Variants in COLGALT1 observed in about 807,000 individuals in gnomAD.
COLGALT1 encodes procollagen galactosyltransferase 1.
A neutral mutation model predicts 60.8 loss-of-function variants in COLGALT1; 43 were observed. The ratio of observed to expected loss-of-function variants is 0.71; its 90% CI spans 0.55 to 0.91. COLGALT1 has a LOEUF of 0.91. COLGALT1 is among the 40% of genes least tolerant of loss of function. COLGALT1 has a pLI of 0.00. For synonymous variants in COLGALT1, 369 were observed against 374.2 expected (o/e 0.99, Z 0.16); for missense variants, 845 against 880.0 (o/e 0.96, Z 0.50).
In COLGALT1 at chr19:17,556,275, C is replaced by A. The variant is rs571206048; in HGVS notation, c.260+302C>A. Among the ~76,000 whole-genome samples, 22 of 152,330 alleles carry A rather than the reference C, an allele frequency of 1.4e-4. No homozygotes were observed. The East Asian group carries it at 3.3e-3, about 23-fold the overall frequency. ...CTCCTTTGGGGTGGGCTGGGCACCG[C>A]TTCTGCCTGCTGGACCCTACTAGGG... On this transcript the variant is annotated intron_variant, in intron 1 of 11. Transcript: ENST00000252599.
intron 9 of COLGALT1, 35 bp from the exon 10 acceptor site, chr19:17,579,447 G>A: frequency 4.3e-6 from 7 of 1,613,924 alleles, no homozygotes; most frequent in Non-Finnish European, 5.9e-6. Flanking sequence ...CCTGGCCTTG[G>A]CCTCCCTGTG....
intron 11 of COLGALT1, 49 bp from the exon 12 acceptor site, chr19:17,581,128 C>G (rs199522734): frequency 6.3e-7 from 1 of 1,585,436 alleles, no homozygotes; most frequent in Non-Finnish European, 8.6e-7. Flanking sequence ...CCAGCTGTCC[C>G]GTCCCCTGAA....
intron 3 of COLGALT1, 119 bp from the exon 4 acceptor site, chr19:17,567,287 G>A (rs571740363): frequency 1.2e-5 from 16 of 1,359,968 alleles, no homozygotes; most frequent in Non-Finnish European, 1.6e-5. Context: ...TTCATCCGGT[G>A]TAGGGGGTGC....
At chr19:17,567,058 C>T (rs2076283329) in intron 3 of COLGALT1, among the ~76,000 whole-genome samples, 2 of 151,910 alleles carry the variant, frequency 1.3e-5, no homozygotes, top group East Asian at 3.9e-4. Flanking sequence ...GAGGTTGCAG[C>T]GAGCTGAGAC....
intron 6 of COLGALT1, 196 bp from the exon 7 acceptor site, chr19:17,576,999 G>T: frequency 3.3e-6 from 2 of 604,278 alleles, no homozygotes; most frequent in East Asian, 2.8e-5. Flanking sequence ...GGTGTGGCCA[G>T]GGCTTTGGGC....
intron 9 of COLGALT1, among the ~76,000 whole-genome samples, chr19:17,579,176 A>G (rs1387672070): frequency 6.6e-6 from 1 of 152,048 alleles, no homozygotes; most frequent in Non-Finnish European, 1.5e-5. Flanking sequence ...TCAAAAAAAA[A>G]AAAAAAGAAA....
At chr19:17,574,622 G>A (rs1042979861) in intron 6 of COLGALT1, among the ~76,000 whole-genome samples, 1 of 152,214 alleles carries the variant, frequency 6.6e-6, no homozygotes, top group Middle Eastern at 3.4e-3. Flanking sequence ...GTGTCACTGC[G>A]CCTGGCCTGG....
intron 6 of COLGALT1, 111 bp from the exon 7 acceptor site, chr19:17,577,082 CTT>C: frequency 9.4e-7 from 1 of 1,067,324 alleles, no homozygotes; most frequent in Non-Finnish European, 1.4e-6. Flanking sequence ...GCCAGGTCGA[CTT>C]TGTGGGCCGA....
At chr19:17,572,701 A>T in intron 6 of COLGALT1, 99 bp downstream of exon 6, 1 of 1,541,378 alleles carries the variant, frequency 6.5e-7, no homozygotes, top group East Asian at 2.3e-5. Flanking sequence ...TGCCAGGCAG[A>T]TGCAAGTCCC....
At chr19:17,567,261 G>A (rs796568336) in intron 3 of COLGALT1, 145 bp from the exon 4 acceptor site, 29 of 1,029,820 alleles carry the variant, frequency 2.8e-5, no homozygotes, top group African/African-American at 2.1e-4. Flanking sequence ...CCCCCAAAAC[G>A]GGGTCCCTGC....
At chr19:17,563,421 C>A (rs1028431880) in intron 3 of COLGALT1, among the ~76,000 whole-genome samples, 4 of 151,856 alleles carry the variant, frequency 2.6e-5, no homozygotes, top group African/African-American at 9.7e-5. Context: ...GCGATCTCAG[C>A]TCACTGCAAG....
rs942511633 is a variant in COLGALT1, at chr19:17,578,055, G to A, written c.1232G>A (p.Gly411Asp). ...HGRPLTKGEL[G>D]CFLSHYNIWK... Reference sequence around the variant, plus strand: ...CGGCCCCTCACCAAGGGTGAGCTGGGCTGCTTCCTGAGCCACTACAACATC... The same window carrying A: ...CGGCCCCTCACCAAGGGTGAGCTGGACTGCTTCCTGAGCCACTACAACATC... The change falls in exon 9 of 12, where the codon GGC becomes GAC. Residue 411 changes from glycine to aspartate, a missense_variant. By Grantham distance (94) the Gly-to-Asp change is moderately conservative. Coordinates refer to ENST00000252599, the MANE Select transcript of COLGALT1 (RefSeq NM_024656.4). 2 of 1,611,584 alleles carry A rather than the reference G, an allele frequency of 1.2e-6. No homozygotes were observed. The highest frequency in any genetic ancestry group is 1.7e-5 in the Admixed American group (1 of 59,966).
intron 9 of COLGALT1, among the ~76,000 whole-genome samples, chr19:17,578,878 G>C (rs1267031409): frequency 2.0e-5 from 3 of 152,166 alleles, no homozygotes; most frequent in Non-Finnish European, 4.4e-5. Flanking sequence ...GGGTGTGGTG[G>C]TGGGCACCTG....
chr19:17,580,392 A>C (rs1599797590), intron 10 of COLGALT1: 59 of 377,364 alleles, frequency 1.6e-4, no homozygotes, highest in South Asian at 3.9e-4. Context: ...CACCTCGCCC[A>C]CCTCCACCCC....
chr19:17,560,418 C>G lies in COLGALT1; in HGVS notation c.442C>G (p.Gln148Glu). Residue 148 changes from glutamine (Q) to glutamate (E), a missense_variant, in exon 3 of 12, where the codon CAG becomes GAG. Physicochemically the swap from Gln to Glu is conservative, Grantham distance 29. Transcript: ENST00000252599. ...SRYEHVMKLR[Q>E]AALKSARDMW... ...CTACGAGCATGTCATGAAGTTGCGC[C>G]AGGCAGCCCTGAAATCAGCTCGAGA... 3 of 1,614,182 alleles carry G rather than the reference C, an allele frequency of 1.9e-6. No homozygotes were observed. Among genetic ancestry groups the G allele is most frequent in the Non-Finnish European group, 2.5e-6 (3 of 1,180,038 alleles).
chr19:17,568,390 C>T (rs924940241), intron 4 of COLGALT1, 119 bp from the exon 5 acceptor site: 13 of 858,976 alleles, frequency 1.5e-5, no homozygotes, highest in Non-Finnish European at 2.5e-5. Flanking sequence ...CCTGGGACCA[C>T]AGGCGCACAC....
At chr19:17,564,070 T>C (rs1164632787) in intron 3 of COLGALT1, among the ~76,000 whole-genome samples, 2 of 144,138 alleles carry the variant, frequency 1.4e-5, no homozygotes, top group African/African-American at 5.1e-5. Flanking sequence ...ACCCCCCCCA[T>C]CTCTACAAAA....
At chr19:17,561,853 C>G (rs1444425646) in intron 3 of COLGALT1, among the ~76,000 whole-genome samples, 1 of 152,014 alleles carries the variant, frequency 6.6e-6, no homozygotes, top group Non-Finnish European at 1.5e-5. Context: ...AGCCTTCATA[C>G]TTTTCTATAT....
At chr19:17,564,563 C>T (rs1056203715) in intron 3 of COLGALT1, among the ~76,000 whole-genome samples, 1 of 151,480 alleles carries the variant, frequency 6.6e-6, no homozygotes, top group Non-Finnish European at 1.5e-5. Context: ...ATTACAGGTG[C>T]CCGCCACCAT....
Sources: gnomAD v4.1 joint callset for allele counts (sites outside exome capture counted in the v4.1 genomes callset) on GRCh38, gnomAD v4.1.1 for gene constraint, MANE v1.5 for transcripts, NCBI Gene and HGNC (gene_info 2026-07-23, HGNC 2026-07-21) for gene names.